MARK4: variants seen among roughly 807,000 people sequenced by gnomAD.
The protein encoded by MARK4 is MAP/microtubule affinity-regulating kinase 4.
In MARK4, 19 loss-of-function variants were observed where a neutral mutation model predicts 81.5. The ratio of observed to expected loss-of-function variants is 0.23; its 90% CI spans 0.16 to 0.34. MARK4 has a LOEUF of 0.34. MARK4 is among the 10% of genes least tolerant of loss of function. The probability of loss-of-function intolerance (pLI) is 1.00; values close to 1 mark genes in which losing one functional copy is unlikely to be tolerated. For missense variants in MARK4, 772 were observed against 1,058.8 expected (o/e 0.73, Z 3.76); for synonymous variants, 436 against 439.0 (o/e 0.99, Z 0.08).
intron 13 of MARK4, among the ~76,000 whole-genome samples, chr19:45,289,407 A>AAAG (rs1359828720): frequency 1.3e-5 from 2 of 150,402 alleles, no homozygotes; most frequent in African/African-American, 4.9e-5. Flanking sequence ...AAAAAAAAAA[A>AAAG]AGCATGGGTC....
At chr19:45,300,734 A>G (rs1237496825) in intron 16 of MARK4, among the ~76,000 whole-genome samples, 2 of 152,192 alleles carry the variant, frequency 1.3e-5, no homozygotes, top group South Asian at 2.1e-4. Context: ...AGCAGCTGCA[A>G]CAAACTGCCA....
At chr19:45,298,160 C>T (rs745785451) in intron 15 of MARK4, 4 of 1,614,086 alleles carry the variant, frequency 2.5e-6, no homozygotes, top group Non-Finnish European at 3.4e-6. Flanking sequence ...CTCGATCCCT[C>T]TAAACGGCAG....
At chr19:45,272,014 G>A (rs1599786559) in intron 8 of MARK4, among the ~76,000 whole-genome samples, 1 of 152,064 alleles carries the variant, frequency 6.6e-6, no homozygotes, top group Non-Finnish European at 1.5e-5. Context: ...GGCTTTGCAT[G>A]TAAGGCGAGA....
intron 1 of MARK4, among the ~76,000 whole-genome samples, chr19:45,256,258 T>C (rs949681733): frequency 6.6e-6 from 1 of 152,092 alleles, no homozygotes; most frequent in Non-Finnish European, 1.5e-5. Flanking sequence ...GCCAACATGA[T>C]GAAACCTCGT....
chr19:45,296,657 C>T (rs1010998186), intron 14 of MARK4, among the ~76,000 whole-genome samples: 2 of 152,208 alleles, frequency 1.3e-5, no homozygotes, highest in Non-Finnish European at 2.9e-5. Flanking sequence ...AAGAACGAAA[C>T]AGGGAGGATG....
intron 9 of MARK4, 36 bp from the exon 10 acceptor site, chr19:45,278,480 C>T: frequency 6.3e-7 from 1 of 1,575,064 alleles, no homozygotes; most frequent in Non-Finnish European, 8.7e-7. Flanking sequence ...CCTTCTGACA[C>T]CTGTCTTCCC....
chr19:45,266,487 G>T (rs968110199), intron 7 of MARK4, among the ~76,000 whole-genome samples: 3 of 151,932 alleles, frequency 2.0e-5, no homozygotes, highest in Admixed American at 2.0e-4. Context: ...GGGAGCGGAT[G>T]GGGGGGAGGG....
chr19:45,282,027 C>T (rs563257996), intron 12 of MARK4, among the ~76,000 whole-genome samples: 16 of 152,032 alleles, frequency 1.1e-4, no homozygotes, highest in Admixed American at 2.0e-4. Flanking sequence ...AGTTTGAGAC[C>T]GGCCTGGCCA....
At position 45,271,293 on chromosome 19, in the gene MARK4, G is replaced by A. The variant is rs1001507949; in HGVS notation, c.550-179G>A. On this transcript the variant is annotated intron_variant, in intron 7 of 16. Transcript: ENST00000262891. The surrounding 1 kb of genome is among the most constrained non-coding windows in gnomAD (Gnocchi z 4.1). ...AAGATTATCCCCATTCTATGGATGA[G>A]GAAACTGAGGCTCAGTGAGGTAAAG... Among the ~76,000 whole-genome samples, 2 of 152,182 alleles carry A rather than the reference G, an allele frequency of 1.3e-5. No individual in the cohort carries two copies. Among genetic ancestry groups the A allele is most frequent in the Admixed American group, 1.3e-4 (2 of 15,262 alleles).
intron 10 of MARK4, among the ~76,000 whole-genome samples, chr19:45,279,553 A>G (rs760178456): frequency 9.9e-5 from 15 of 152,170 alleles, no homozygotes; most frequent in Non-Finnish European, 1.6e-4. Context: ...TTAAATGGCA[A>G]AAACCGGAAT....
At position 45,297,905 on chromosome 19, in the gene MARK4, C is replaced by G; in HGVS notation, c.1828C>G (p.Arg610Gly). 6.5e-7 allele frequency: 1 copy of G among 1,550,096 alleles called. No homozygotes were observed. The highest frequency in any genetic ancestry group is 1.7e-4 in the Middle Eastern group (1 of 5,984). Residue 610 changes from arginine (R) to glycine (G), a missense_variant, in exon 15 of 17, where the codon CGC becomes GGC. Physicochemically the swap from Arg to Gly is moderately radical, Grantham distance 125. Transcript: ENST00000262891. ...EAAPLPAGRP[R>G]PTTNLFTKLT... ...TGCACCCCTGCCCGCCGGGCGGCCC[C>G]GCCCCACCACCAACCTCTTCACCAA...
rs1970345213 is a variant in MARK4, at chr19:45,258,994, C to T, written c.57C>T (p.Gly19=). The change falls in exon 2 of 17, where the codon GGC becomes GGT. Residue 19 remains glycine, a synonymous_variant. Transcript: ENST00000262891. ...GCTCCATCTCCCCCGCCCAGCATGG[C>T]ACCTTGGGCAGTGGCCGCTCCTCGG... The part of the protein sequence containing the change: ...PGNDRNSDTH[G]TLGSGRSSDK... 1.9e-6 allele frequency: 3 copies of T among 1,612,296 alleles called. No individual in the cohort carries two copies. The highest frequency in any genetic ancestry group is 2.5e-6 in the Non-Finnish European group (3 of 1,179,774).
intron 4 of MARK4, 115 bp from the exon 5 acceptor site, chr19:45,264,569 T>C (rs1156677919): frequency 1.3e-5 from 12 of 916,026 alleles, no homozygotes; most frequent in Non-Finnish European, 1.9e-5. Flanking sequence ...TAGGGAGCCA[T>C]TGAGTGTTGA....
In MARK4 at chr19:45,298,754, C is replaced by CT. The variant is rs561603376; in HGVS notation, c.1877+801dup. Reference sequence around the variant, plus strand: ...TAAAATATACTTACTATATAGACTGCTAGGTAGTGCGAAGTAACTAAGAAG... The same window carrying CT: ...TAAAATATACTTACTATATAGACTGCTTAGGTAGTGCGAAGTAACTAAGAAG... On this transcript the variant is annotated intron_variant, in intron 15 of 16. Transcript: ENST00000262891. Among the ~76,000 whole-genome samples, 11 of 152,112 alleles carry CT rather than the reference C, an allele frequency of 7.2e-5. No individual in the cohort carries two copies. The South Asian group carries it at 2.3e-3, about 32-fold the overall frequency.
chr19:45,272,427 A>G (rs548554839), intron 8 of MARK4, among the ~76,000 whole-genome samples: 5 of 152,340 alleles, frequency 3.3e-5, no homozygotes, highest in South Asian at 4.1e-4. Flanking sequence ...CCAGTCACAT[A>G]AGGCCACAGA....
chr19:45,259,284 C>T, intron 2 of MARK4, 95 bp downstream of exon 2: 3 of 1,398,920 alleles, frequency 2.1e-6, no homozygotes, highest in South Asian at 1.3e-5. Flanking sequence ...CCTGGGTTTG[C>T]TTTGTGGCCT....
Position 45,271,225 on chromosome 19 carries a change from G to A in MARK4, c.550-247G>A, listed in dbSNP as rs1345974568. Among the ~76,000 whole-genome samples, 1 of 152,118 alleles carries A rather than the reference G, an allele frequency of 6.6e-6. No individual in the cohort carries two copies. Among genetic ancestry groups the A allele is most frequent in the Admixed American group, 6.6e-5 (1 of 15,264 alleles). ...CTGGCCTGTGCTAGGTTTTCTATGT[G>A]GATTAACTCATAATTCTCAAACTAC... is the stretch of plus-strand genomic sequence containing the variant. On this transcript the variant is annotated intron_variant, in intron 7 of 16. Transcript: ENST00000262891. This position sits in a 1 kb window ranked among gnomAD's most constrained non-coding sequence, Gnocchi z 4.1.
At chr19:45,276,260 C>T (rs1189008490) in intron 8 of MARK4, among the ~76,000 whole-genome samples, 1 of 152,154 alleles carries the variant, frequency 6.6e-6, no homozygotes, top group African/African-American at 2.4e-5. Flanking sequence ...CTCACGGGCT[C>T]AAGCGGTCTT....
intron 13 of MARK4, among the ~76,000 whole-genome samples, chr19:45,293,265 C>CA (rs978941563): frequency 4.0e-5 from 6 of 151,382 alleles, no homozygotes; most frequent in African/African-American, 1.5e-4. Context: ...AAACTCTGTC[C>CA]AAAAAAATAA....
Sources: allele counts gnomAD v4.1 joint callset (sites outside exome capture counted in the v4.1 genomes callset), GRCh38; gene constraint gnomAD v4.1.1; non-coding constraint Gnocchi (gnomAD v3.1); transcripts MANE v1.5; gene names NCBI Gene and HGNC (gene_info 2026-07-23, HGNC 2026-07-21).